The following DIXDC1 variants were observed in gnomAD, a reference collection of about 807,000 sequenced individuals.
The protein encoded by DIXDC1 is dixin.
A neutral mutation model predicts 103.1 loss-of-function variants in DIXDC1; 64 were observed. The ratio of observed to expected loss-of-function variants is 0.62; its 90% CI spans 0.51 to 0.76. The LOEUF (loss-of-function observed/expected upper bound fraction) is 0.76. Among genes scored for constraint, DIXDC1 ranks in the 30% least tolerant of loss-of-function variants. The pLI is 0.00. For missense variants in DIXDC1, 759 were observed against 834.2 expected (o/e 0.91, Z 1.11); for synonymous variants, 266 against 298.5 (o/e 0.89, Z 1.12).
At chr11:111,975,019 T>C (rs1555172458) in intron 5 of DIXDC1, 36 bp downstream of exon 5, 1 of 1,579,310 alleles carries the variant, frequency 6.3e-7, no homozygotes. Context: ...TTCTGGAGGA[T>C]TCTCGGAGTT....
At chr11:111,957,477 G>A (rs587636411) in intron 1 of DIXDC1, among the ~76,000 whole-genome samples, 2 of 152,326 alleles carry the variant, frequency 1.3e-5, no homozygotes, top group African/African-American at 2.4e-5. Flanking sequence ...CCTTAACCAA[G>A]TGACTGAAGT....
In DIXDC1 at chr11:111,958,949, C is replaced by T. The variant is rs115837286; in HGVS notation, c.61-5600C>T. Among the ~76,000 whole-genome samples the T allele has an allele frequency of 9.0e-3, 1,371 of 152,252 alleles. 12 individuals are homozygous for T. Among genetic ancestry groups the T allele is most frequent in the African/African-American group, 0.03 (1,252 of 41,552 alleles). On this transcript the variant is annotated intron_variant, in intron 1 of 19. Transcript: ENST00000440460. The surrounding 1 kb of genome is among the most constrained non-coding windows in gnomAD (Gnocchi z 4.2). ...GAAAACCAGCCAAGGAGAAGAGCTA[C>T]CCACTCCAGGGTCTTCACTCTGCTG...
rs967415259 is a variant in DIXDC1 at position 111,988,003 on chromosome 11, G to A, written c.1063-1002G>A. Reference sequence around the variant, plus strand: ...AACTTTTATTTATTTGTTTTGTTTTGTTTGTTTGTTTTTTGAGACAGAGTC... The same window carrying A: ...AACTTTTATTTATTTGTTTTGTTTTATTTGTTTGTTTTTTGAGACAGAGTC... On this transcript the variant is annotated intron_variant, in intron 9 of 19. Transcript: ENST00000440460. Among the ~76,000 whole-genome samples, 3 of 150,546 alleles carry A rather than the reference G, an allele frequency of 2.0e-5. No homozygotes were observed. The South Asian group carries it at 6.4e-4, about 32-fold the overall frequency.
chr11:111,968,097 T>C (rs1383064583), intron 2 of DIXDC1, among the ~76,000 whole-genome samples: 3 of 152,262 alleles, frequency 2.0e-5, no homozygotes, highest in African/African-American at 7.2e-5. Context: ...CAAGCACTTA[T>C]CGCTACTATG....
At position 111,977,820 on chromosome 11, in the gene DIXDC1, G is replaced by A. The variant is rs1330914507; in HGVS notation, c.656+2837G>A. 2 of 1,548,696 alleles carry A rather than the reference G, an allele frequency of 1.3e-6. No individual in the cohort carries two copies. The highest frequency in any genetic ancestry group is 1.7e-6 in the Non-Finnish European group (2 of 1,146,602). On this transcript the variant is annotated intron_variant, in intron 5 of 19. Coordinates refer to ENST00000440460, the MANE Select transcript of DIXDC1 (RefSeq NM_001037954.4). The surrounding 1 kb of genome is among the most constrained non-coding windows in gnomAD (Gnocchi z 6.1). ...GTGAGCTGAAGCCACTCTGGCTTTG[G>A]AAGTGGGGGGCCTGGGTGGGAACAG...
chr11:111,930,780 T>C (rs1421419003), intron 2 of DIXDC1, among the ~76,000 whole-genome samples: 1 of 151,754 alleles, frequency 6.6e-6, no homozygotes, highest in Non-Finnish European at 1.5e-5. Flanking sequence ...CCAGGATTGC[T>C]TGAGGCCAGG....
intron 17 of DIXDC1, among the ~76,000 whole-genome samples, chr11:112,005,351 C>T (rs587753967): frequency 2.0e-5 from 3 of 151,948 alleles, no homozygotes; most frequent in Middle Eastern, 3.4e-3. Context: ...GTCAATTCAC[C>T]GAGAAGACAT....
At position 111,976,338 on chromosome 11, in the gene DIXDC1, G is replaced by A. The variant is rs587749823; in HGVS notation, c.656+1355G>A. Among the ~76,000 whole-genome samples, 1 of 152,326 alleles carries A rather than the reference G, an allele frequency of 6.6e-6. No individual in the cohort carries two copies. The highest frequency in any genetic ancestry group is 2.1e-4 in the South Asian group (1 of 4,826). ...AGGAGGACTGAGGGGAGGGCTGTGA[G>A]ACTGTGAATGTGTGAATGAGGGGCC... On this transcript the variant is annotated intron_variant, in intron 5 of 19. Coordinates refer to ENST00000440460, the MANE Select transcript of DIXDC1 (RefSeq NM_001037954.4). The surrounding 1 kb of genome is among the most constrained non-coding windows in gnomAD (Gnocchi z 4.3).
rs1861783345 is a variant in DIXDC1 at position 112,022,298 on chromosome 11, C to G, written c.*3262C>G. Reference sequence around the variant, plus strand: ...CCATAAAATAAGCATTATGATTGCACACTCCTTCTACTGTCTGAATTTATG... The same window carrying G: ...CCATAAAATAAGCATTATGATTGCAGACTCCTTCTACTGTCTGAATTTATG... On this transcript the variant is annotated 3_prime_UTR_variant, in exon 20 of 20. Coordinates refer to ENST00000440460, the MANE Select transcript of DIXDC1 (RefSeq NM_001037954.4). This position sits in a 1 kb window ranked among gnomAD's most constrained non-coding sequence, Gnocchi z 4.9. 6.6e-6 allele frequency: 1 copy of G among 152,152 alleles called. No homozygotes were observed. The highest frequency in any genetic ancestry group is 2.1e-4 in the South Asian group (1 of 4,834). The allele number at this position is 152,152 out of a possible 1,614,324, so 9.4% of individuals were successfully genotyped here.
At chr11:112,000,713 C>T (rs904073343) in intron 17 of DIXDC1, among the ~76,000 whole-genome samples, 22 of 149,258 alleles carry the variant, frequency 1.5e-4, no homozygotes, top group African/African-American at 5.1e-4. Flanking sequence ...AAAAAAGGGC[C>T]AATAAACCCA....
rs1284930626 is a variant in DIXDC1 at position 111,977,419 on chromosome 11, G to T, written c.656+2436G>T. ...TGGGTTGAGATGCCCCCGCCAGGGG[G>T]GATGCCCGGCACCGTGCGTCCGCGG... On this transcript the variant is annotated intron_variant, in intron 5 of 19. Transcript: ENST00000440460. This position sits in a 1 kb window ranked among gnomAD's most constrained non-coding sequence, Gnocchi z 6.1. 1 of 1,175,524 alleles carries T rather than the reference G, an allele frequency of 8.5e-7. No homozygotes were observed. The highest frequency in any genetic ancestry group is 1.1e-6 in the Non-Finnish European group (1 of 949,506). The allele number at this position is 1,175,524 out of a possible 1,614,324, so 72.8% of individuals were successfully genotyped here.
At chr11:112,009,896 G>A (rs1235456811) in intron 17 of DIXDC1, among the ~76,000 whole-genome samples, 1 of 152,156 alleles carries the variant, frequency 6.6e-6, no homozygotes, top group African/African-American at 2.4e-5. Context: ...TTGAAAACTG[G>A]CACAAGACAG....
intron 17 of DIXDC1, among the ~76,000 whole-genome samples, chr11:112,012,612 C>T (rs1861459194): frequency 1.3e-5 from 2 of 152,246 alleles, no homozygotes; most frequent in Admixed American, 1.3e-4. Flanking sequence ...TTTTGTGGTA[C>T]TTTTCAAAAT....
chr11:112,019,120 A>T lies in DIXDC1; in HGVS notation c.*84A>T. On this transcript the variant is annotated 3_prime_UTR_variant, in exon 20 of 20. Coordinates refer to ENST00000440460, the MANE Select transcript of DIXDC1 (RefSeq NM_001037954.4). ...GGAAAGGGAACTAAAACCAGAATACACTAAGAAGTTTCTAGTTTGTGTGCC... is the reference window on the plus strand; with the variant it reads ...GGAAAGGGAACTAAAACCAGAATACTCTAAGAAGTTTCTAGTTTGTGTGCC... 2.5e-6 allele frequency: 3 copies of T among 1,178,250 alleles called. No homozygotes were observed. The highest frequency in any genetic ancestry group is 3.7e-6 in the Non-Finnish European group (3 of 813,920). 73.0% of individuals were successfully genotyped at this position (1,178,250 alleles called of 1,614,324 possible). A position where few individuals can be genotyped will look rare whatever the true frequency, so the allele number is the denominator to read the frequency against.
chr11:112,016,782 C>A lies in DIXDC1; in HGVS notation c.1848C>A (p.Val616=). The change falls in exon 18 of 20, where the codon GTC becomes GTA. Residue 616 remains valine, a synonymous_variant. Coordinates refer to ENST00000440460, the MANE Select transcript of DIXDC1 (RefSeq NM_001037954.4). The part of the protein sequence containing the change: ...FTDRSLTPFM[V]NIPKRLEEVT... The stretch of plus-strand genomic sequence containing the variant: ...ACCGGTCACTTACGCCCTTCATGGT[C>A]AATATACCAAAGAGGTGAGATTCTG... The A allele has an allele frequency of 6.2e-7, 1 of 1,605,242 alleles. No individual in the cohort carries two copies. The highest frequency in any genetic ancestry group is 1.1e-5 in the South Asian group (1 of 89,474).
chr11:111,941,867 CA>C (rs2137445745), intron 1 of DIXDC1, among the ~76,000 whole-genome samples: 1 of 151,972 alleles, frequency 6.6e-6, no homozygotes, highest in African/African-American at 2.4e-5. Context: ...CACACACACA[CA>C]CACACCCACG....
chr11:111,934,579 C>A (rs191354425), upstream of DIXDC1, among the ~76,000 whole-genome samples: 1 of 152,208 alleles, frequency 6.6e-6, no homozygotes, highest in South Asian at 2.1e-4. Context: ...GTTCTTGTAG[C>A]TAGCCCTCAT....
intron 5 of DIXDC1, chr11:111,975,579 A>G (rs1425793946): frequency 5.1e-6 from 5 of 985,598 alleles, no homozygotes; most frequent in Middle Eastern, 5.2e-4. Context: ...TAAAAACCTT[A>G]TCAGTGGCAG....
At chr11:112,009,754 C>A (rs1266561158) in intron 17 of DIXDC1, among the ~76,000 whole-genome samples, 5 of 152,166 alleles carry the variant, frequency 3.3e-5, no homozygotes, top group African/African-American at 1.2e-4. Context: ...CAACAAAATT[C>A]AACAGCCCTT....
Sources: gnomAD v4.1 joint callset for allele counts (sites outside exome capture counted in the v4.1 genomes callset) on GRCh38, gnomAD v4.1.1 for gene constraint, Gnocchi (gnomAD v3.1) non-coding constraint, MANE v1.5 for transcripts, NCBI Gene and HGNC (gene_info 2026-07-23, HGNC 2026-07-21) for gene names.